TBPL1: variants seen among roughly 807,000 people sequenced by gnomAD.
The protein encoded by TBPL1 is TATA box-binding protein-like 1.
TBPL1 carries 4 observed loss-of-function variants against 22.1 expected under a neutral mutation model. That is an observed-to-expected ratio of 0.18 (90% CI 0.09 to 0.41). The LOEUF (loss-of-function observed/expected upper bound fraction) is 0.41. TBPL1 is among the 10% of genes least tolerant of loss of function. TBPL1 has a pLI of 1.00. For missense variants in TBPL1, 115 were observed against 222.3 expected, an observed-to-expected ratio of 0.52 and a Z score of 3.07; for synonymous variants, 64 against 71.0, an observed-to-expected ratio of 0.90 and a Z score of 0.50.
intron 2 of TBPL1, among the ~76,000 whole-genome samples, chr6:133,982,325 A>G (rs111778698): frequency 0.078 from 11,925 of 152,288 alleles, 448 homozygotes; most frequent in Admixed American, 0.085. Flanking sequence ...CATTGATTTC[A>G]AGTATATAGA....
intron 1 of TBPL1, among the ~76,000 whole-genome samples, chr6:133,978,897 A>G (rs1044584671): frequency 1.3e-5 from 2 of 152,200 alleles, no homozygotes; most frequent in African/African-American, 4.8e-5. Context: ...AGGAATTTTA[A>G]AAACAACTAT....
At position 133,987,127 on chromosome 6, in the gene TBPL1, T is replaced by C. The variant is rs1038125521; in HGVS notation, c.*87T>C. On this transcript the variant is annotated 3_prime_UTR_variant, in exon 7 of 7. Transcript: ENST00000237264. ...CTCAAAAGGAAAACTGGACCAACAA[T>C]AATTGAGGAAATAGACTCTTTTATT... 24 of 815,210 alleles carry C rather than the reference T, an allele frequency of 2.9e-5. No individual in the cohort carries two copies. The highest frequency in any genetic ancestry group is 4.2e-5 in the Non-Finnish European group (22 of 520,896). 50.5% of individuals were successfully genotyped at this position (815,210 alleles called of 1,614,324 possible).
intron 2 of TBPL1, among the ~76,000 whole-genome samples, chr6:133,981,943 C>T (rs140445442): frequency 5.8e-4 from 89 of 152,356 alleles, no homozygotes; most frequent in African/African-American, 2.0e-3. Context: ...ACATCTCCAG[C>T]TCCAACATTT....
chr6:133,989,955 AAT>A lies in TBPL1; in HGVS notation c.*2918_*2919del, dbSNP rs1776598242. On this transcript the variant is annotated 3_prime_UTR_variant, in exon 7 of 7. Transcript: ENST00000237264. ...TCCATCACTTAAATATTAGTAATTT[AAT>A]ATGTTATTTGGTTCAAGATTTGATT... 1 of 152,210 alleles carries A rather than the reference AAT, an allele frequency of 6.6e-6. No individual in the cohort carries two copies. The highest frequency in any genetic ancestry group is 2.4e-5 in the African/African-American group (1 of 41,454). The allele number at this position is 152,210 out of a possible 1,614,324, so 9.4% of individuals were successfully genotyped here.
intron 1 of TBPL1, among the ~76,000 whole-genome samples, chr6:133,957,352 C>A (rs1040567677): frequency 2.0e-5 from 3 of 152,158 alleles, no homozygotes; most frequent in Non-Finnish European, 4.4e-5. Context: ...ACAGAGTTTT[C>A]TTAGGACATA....
intron 2 of TBPL1, among the ~76,000 whole-genome samples, chr6:133,982,032 A>G (rs1776424681): frequency 6.6e-6 from 1 of 152,220 alleles, no homozygotes; most frequent in African/African-American, 2.4e-5. Flanking sequence ...TAAAGTAGTG[A>G]TGGGTACCAT....
At chr6:133,959,175 G>T (rs1230991052) in intron 1 of TBPL1, among the ~76,000 whole-genome samples, 1 of 152,068 alleles carries the variant, frequency 6.6e-6, no homozygotes, top group Non-Finnish European at 1.5e-5. Context: ...AAGTAGTTGG[G>T]ATTACAGGCA....
At chr6:133,958,858 GTTTA>G in intron 1 of TBPL1, among the ~76,000 whole-genome samples, 1 of 152,188 alleles carries the variant, frequency 6.6e-6, no homozygotes, top group African/African-American at 2.4e-5. Flanking sequence ...TGCTGGTTTT[GTTTA>G]TTTGTTTCAG....
At chr6:133,974,903 A>G (rs1776287498) in intron 1 of TBPL1, among the ~76,000 whole-genome samples, 1 of 152,234 alleles carries the variant, frequency 6.6e-6, no homozygotes, top group Non-Finnish European at 1.5e-5. Context: ...GAATTTTAAT[A>G]TCATTAGAAT....
intron 6 of TBPL1, among the ~76,000 whole-genome samples, chr6:133,985,343 C>CAA (rs1460081845): frequency 9.8e-6 from 1 of 102,518 alleles, no homozygotes; most frequent in Non-Finnish European, 1.8e-5. Flanking sequence ...TATATACACA[C>CAA]ATATATTTTC....
chr6:133,973,047 C>G (rs1044682914), intron 1 of TBPL1, among the ~76,000 whole-genome samples: 3 of 152,282 alleles, frequency 2.0e-5, no homozygotes, highest in African/African-American at 7.2e-5. Context: ...GAACATCGTT[C>G]TAAAAGGCAA....
Position 133,987,187 on chromosome 6 carries a change from GGATT to G in TBPL1, c.*148_*151del. The G allele has an allele frequency of 2.1e-6, 1 of 475,824 alleles. No homozygotes were observed. Among genetic ancestry groups the G allele is most frequent in the Non-Finnish European group, 3.7e-6 (1 of 273,664 alleles). The allele number at this position is 475,824 out of a possible 1,614,324, so 29.5% of individuals were successfully genotyped here. On this transcript the variant is annotated 3_prime_UTR_variant, in exon 7 of 7. Coordinates refer to ENST00000237264, the MANE Select transcript of TBPL1 (RefSeq NM_004865.4). ...CTACAGTGTAAGCTCCAGTCCCTTT[GGATT>G]TTATTCCAAACCTTGCTGTAATATA...
At chr6:133,963,790 G>A (rs1003027783) in intron 1 of TBPL1, among the ~76,000 whole-genome samples, 9 of 151,942 alleles carry the variant, frequency 5.9e-5, no homozygotes, top group Non-Finnish European at 8.8e-5. Context: ...CAGCACTTTG[G>A]GAGGCTGAGG....
intron 3 of TBPL1, 58 bp from the exon 4 acceptor site, chr6:133,982,759 C>T: frequency 3.1e-6 from 5 of 1,588,032 alleles, no homozygotes; most frequent in Non-Finnish European, 4.3e-6. Flanking sequence ...TTATGTTCCT[C>T]AGTATAACAT....
rs59102121 is a variant in TBPL1, at chr6:133,987,648, G to GTATATATATATA, written c.*616_*627dup. On this transcript the variant is annotated 3_prime_UTR_variant, in exon 7 of 7. Coordinates refer to ENST00000237264, the MANE Select transcript of TBPL1 (RefSeq NM_004865.4). ...TTTGTGTGTGTGTGTGTGTGTGTGTGTATATATATATATATATATGCACCA... is the reference window on the plus strand; with the variant it reads ...TTTGTGTGTGTGTGTGTGTGTGTGTGTATATATATATATATATATATATATATATATGCACCA... 35 of 88,396 alleles carry GTATATATATATA rather than the reference G, an allele frequency of 4.0e-4. No homozygotes were observed. The highest frequency in any genetic ancestry group is 1.2e-3 in the African/African-American group (32 of 27,578). 5.5% of individuals were successfully genotyped at this position (88,396 alleles called of 1,614,324 possible).
chr6:133,964,819 C>T (rs1776090780), intron 1 of TBPL1, among the ~76,000 whole-genome samples: 1 of 152,158 alleles, frequency 6.6e-6, no homozygotes, highest in South Asian at 2.1e-4. Context: ...GGCATTTGTG[C>T]ATGACATAGA....
intron 1 of TBPL1, among the ~76,000 whole-genome samples, chr6:133,955,900 A>G (rs934126881): frequency 6.6e-6 from 1 of 152,262 alleles, no homozygotes; most frequent in Non-Finnish European, 1.5e-5. Flanking sequence ...AAATTGTCAC[A>G]TCAGCATTTG....
At chr6:133,979,910 G>A (rs1277908886) in intron 1 of TBPL1, among the ~76,000 whole-genome samples, 172 bp from the exon 2 acceptor site, 1 of 152,122 alleles carries the variant, frequency 6.6e-6, no homozygotes, top group South Asian at 2.1e-4. Context: ...GCCTCCCAAA[G>A]TGCTGGGATT....
At chr6:133,954,681 A>G (rs1430831111) in intron 1 of TBPL1, among the ~76,000 whole-genome samples, 2 of 152,256 alleles carry the variant, frequency 1.3e-5, no homozygotes, top group African/African-American at 4.8e-5. Flanking sequence ...AATAAAATTG[A>G]TAAATCATAG....
Sources: allele counts gnomAD v4.1 joint callset (sites outside exome capture counted in the v4.1 genomes callset), GRCh38; gene constraint gnomAD v4.1.1; transcripts MANE v1.5; gene names NCBI Gene and HGNC (gene_info 2026-07-23, HGNC 2026-07-21).